Variants in SIPA1L3 observed in about 807,000 individuals in gnomAD.
SIPA1L3 encodes signal-induced proliferation-associated 1-like protein 3.
In SIPA1L3, 59 loss-of-function variants were observed where a neutral mutation model predicts 150.1. That is an observed-to-expected ratio of 0.39 (90% CI 0.32 to 0.49). The LOEUF is 0.49. Among genes scored for constraint, SIPA1L3 ranks in the 20% least tolerant of loss-of-function variants. SIPA1L3 has a pLI of 0.86. For missense variants in SIPA1L3, 2,211 were observed against 2,489.5 expected, an observed-to-expected ratio of 0.89 and a Z score of 2.38; for synonymous variants, 1,070 against 1,077.6, an observed-to-expected ratio of 0.99 and a Z score of 0.14.
rs577789665 is a variant in SIPA1L3 at position 38,136,486 on chromosome 19, C to T, written c.3144-4698C>T. 4.9e-4 allele frequency among the ~76,000 whole-genome samples: 75 copies of T among 152,162 alleles called. 1 individual carries two copies. The South Asian group carries it at 0.015, about 31-fold the overall frequency. ...GGGCATGGTGGCAGGCGCCTGTAAT[C>T]CCAGCTACTCAAGAGGCTGAGGCAG... On this transcript the variant is annotated intron_variant, in intron 10 of 21. Coordinates refer to ENST00000222345, the MANE Select transcript of SIPA1L3 (RefSeq NM_015073.3).
intron 4 of SIPA1L3, among the ~76,000 whole-genome samples, chr19:38,090,889 C>T (rs1008352870): frequency 2.6e-5 from 4 of 152,184 alleles, no homozygotes; most frequent in Non-Finnish European, 4.4e-5. Context: ...TTTGCAGTAG[C>T]CAGGAAGAGG....
At chr19:38,068,011 A>G (rs1969634195) in intron 2 of SIPA1L3, among the ~76,000 whole-genome samples, 1 of 147,978 alleles carries the variant, frequency 6.8e-6, no homozygotes, top group Non-Finnish European at 1.5e-5. Context: ...CATAGAGGGG[A>G]AAAATCAGAT....
At position 38,101,792 on chromosome 19, in the gene SIPA1L3, TC is replaced by T. The variant is rs370281723; in HGVS notation, c.2029+568del. 7.4e-4 allele frequency among the ~76,000 whole-genome samples: 112 copies of T among 152,296 alleles called. 4 individuals are homozygous for T. In the East Asian group the frequency reaches 0.02, roughly 27 times the overall value. On this transcript the variant is annotated intron_variant, in intron 6 of 21. Coordinates refer to ENST00000222345, the MANE Select transcript of SIPA1L3 (RefSeq NM_015073.3). ...CTGCTCTGTGACTCAGCTCCTGCACTCCTAGGTATGCACTCTGTCTAATGTG... is the reference window on the plus strand; with the variant it reads ...CTGCTCTGTGACTCAGCTCCTGCACTCTAGGTATGCACTCTGTCTAATGTG...
At chr19:37,942,246 G>C (rs948322418) in intron 1 of SIPA1L3, among the ~76,000 whole-genome samples, 1 of 152,052 alleles carries the variant, frequency 6.6e-6, no homozygotes, top group Non-Finnish European at 1.5e-5. Flanking sequence ...AGATTAATAA[G>C]ATAATTCCAG....
chr19:38,067,761 G>GA (rs75720415), intron 2 of SIPA1L3, among the ~76,000 whole-genome samples: 23,577 of 138,566 alleles, frequency 0.17, 2,003 homozygotes, highest in African/African-American at 0.2. Context: ...GACTCAGTCT[G>GA]AAAAAAAAAA....
At chr19:38,055,548 T>G (rs945789379) in intron 2 of SIPA1L3, among the ~76,000 whole-genome samples, 3 of 152,214 alleles carry the variant, frequency 2.0e-5, no homozygotes, top group Non-Finnish European at 4.4e-5. Flanking sequence ...ACATCCTTAG[T>G]TTAGCTGCGT....
At chr19:38,095,275 T>G (rs891036794) in intron 4 of SIPA1L3, among the ~76,000 whole-genome samples, 3 of 152,194 alleles carry the variant, frequency 2.0e-5, no homozygotes, top group Admixed American at 6.5e-5. Context: ...GGCAGGCATT[T>G]TTATCCCCAT....
intron 2 of SIPA1L3, among the ~76,000 whole-genome samples, chr19:38,043,860 A>G (rs1360609204): frequency 6.6e-6 from 1 of 152,110 alleles, no homozygotes; most frequent in Non-Finnish European, 1.5e-5. Context: ...TTTTCCTTAC[A>G]TGGATAGGGG....
intron 21 of SIPA1L3, 113 bp from the exon 22 acceptor site, chr19:38,205,984 G>C: frequency 7.9e-7 from 1 of 1,267,898 alleles, no homozygotes; most frequent in Non-Finnish European, 1.1e-6. Context: ...CCTGGCTCTA[G>C]TGGTTGGCTC....
chr19:38,121,875 C>T (rs1490298896), intron 9 of SIPA1L3, among the ~76,000 whole-genome samples: 1 of 151,864 alleles, frequency 6.6e-6, no homozygotes, highest in East Asian at 1.9e-4. Flanking sequence ...GCTATGATCA[C>T]ACCACTGCAC....
intron 2 of SIPA1L3, among the ~76,000 whole-genome samples, chr19:38,034,329 T>C (rs1294440470): frequency 6.6e-6 from 1 of 152,182 alleles, no homozygotes; most frequent in African/African-American, 2.4e-5. Context: ...CTCACGTGCA[T>C]GATCTCATTC....
intron 9 of SIPA1L3, among the ~76,000 whole-genome samples, chr19:38,123,243 G>A (rs1261276142): frequency 6.6e-6 from 1 of 151,812 alleles, no homozygotes; most frequent in Non-Finnish European, 1.5e-5. Context: ...CAAAGAGCCT[G>A]GGTTTTGGAG....
At chr19:38,070,372 G>A (rs1210716792) in intron 2 of SIPA1L3, among the ~76,000 whole-genome samples, 1 of 151,848 alleles carries the variant, frequency 6.6e-6, no homozygotes, top group Non-Finnish European at 1.5e-5. Flanking sequence ...ACTGCACCCA[G>A]CCATTTTATG....
chr19:38,171,426 C>G (rs2145999141), intron 15 of SIPA1L3, among the ~76,000 whole-genome samples: 1 of 122,590 alleles, frequency 8.2e-6, no homozygotes, highest in Non-Finnish European at 1.6e-5. Flanking sequence ...GAGTTTCGCT[C>G]TTGTTGCCCA....
At chr19:37,917,192 G>A (rs770024684) in intron 1 of SIPA1L3, among the ~76,000 whole-genome samples, 30 of 151,786 alleles carry the variant, frequency 2.0e-4, no homozygotes, top group Non-Finnish European at 4.0e-4. Context: ...CACTTTCAGC[G>A]TATCTCAGTT....
At chr19:38,127,527 G>A (rs573604185) in intron 9 of SIPA1L3, among the ~76,000 whole-genome samples, 3 of 152,162 alleles carry the variant, frequency 2.0e-5, no homozygotes, top group Admixed American at 6.6e-5. Context: ...AGGTCTTGGT[G>A]TCACCCCGGC....
At chr19:38,026,983 A>G (rs1353203781) in intron 1 of SIPA1L3, among the ~76,000 whole-genome samples, 1 of 152,194 alleles carries the variant, frequency 6.6e-6, no homozygotes, top group East Asian at 1.9e-4. Flanking sequence ...ACTCACCACT[A>G]GATCTTGTAA....
chr19:37,966,031 G>A (rs148694733), intron 1 of SIPA1L3, among the ~76,000 whole-genome samples: 129 of 152,252 alleles, frequency 8.5e-4, no homozygotes, highest in Admixed American at 1.8e-3. Context: ...GCCGGGCTCA[G>A]TTCTCCACCC....
intron 1 of SIPA1L3, among the ~76,000 whole-genome samples, chr19:37,990,234 C>G (rs531399964): frequency 6.6e-6 from 1 of 152,154 alleles, no homozygotes. Context: ...ACCAGATCAC[C>G]AGCTACCTGG....
Sources: gnomAD v4.1 joint callset for allele counts (sites outside exome capture counted in the v4.1 genomes callset) on GRCh38, gnomAD v4.1.1 for gene constraint, MANE v1.5 for transcripts, NCBI Gene and HGNC (gene_info 2026-07-23, HGNC 2026-07-21) for gene names.